RASAL2: variants seen among roughly 807,000 people sequenced by gnomAD.
RASAL2 encodes RAS protein activator like 2, also known as ras GTPase-activating protein nGAP.
Under a neutral mutation model 128.9 loss-of-function variants are expected in RASAL2, and 58 were observed. That is an observed-to-expected ratio of 0.45 (90% CI 0.36 to 0.56). The LOEUF is 0.56. Among genes scored for constraint, RASAL2 ranks in the 20% least tolerant of loss-of-function variants. The pLI is 0.00. For missense variants in RASAL2, 1,360 were observed against 1,601.6 expected (o/e 0.85, Z 2.57); for synonymous variants, 561 against 580.8 (o/e 0.97, Z 0.49).
intron 3 of RASAL2, among the ~76,000 whole-genome samples, chr1:178,352,479 C>T (rs534631439): frequency 1.1e-4 from 16 of 152,224 alleles, no homozygotes; most frequent in South Asian, 8.3e-4. Flanking sequence ...TCCTGTGGGC[C>T]TTTCAGAGGT....
chr1:178,426,848 C>T (rs188134094), intron 5 of RASAL2, among the ~76,000 whole-genome samples: 2 of 152,174 alleles, frequency 1.3e-5, no homozygotes, highest in Non-Finnish European at 2.9e-5. Context: ...AGCCTTTAAA[C>T]ATTTTTGATC....
chr1:178,440,301 G>A (rs1245951955), intron 6 of RASAL2, among the ~76,000 whole-genome samples: 3 of 151,916 alleles, frequency 2.0e-5, no homozygotes, highest in Non-Finnish European at 4.4e-5. Context: ...TGTTGTAGAA[G>A]TCAAAAGATG....
intron 4 of RASAL2, among the ~76,000 whole-genome samples, chr1:178,415,575 A>G (rs1674698989): frequency 1.3e-5 from 2 of 152,128 alleles, no homozygotes; most frequent in African/African-American, 2.4e-5. Flanking sequence ...GATGTCAATT[A>G]TATCCAGTTG....
intron 4 of RASAL2, among the ~76,000 whole-genome samples, chr1:178,402,443 G>A (rs981018417): frequency 1.3e-5 from 2 of 151,392 alleles, no homozygotes; most frequent in African/African-American, 2.4e-5. Flanking sequence ...TATATAGTAA[G>A]GACCAATTTG....
chr1:178,363,312 G>A (rs760099444), intron 3 of RASAL2, among the ~76,000 whole-genome samples: 3 of 152,032 alleles, frequency 2.0e-5, no homozygotes, highest in Non-Finnish European at 4.4e-5. Flanking sequence ...TATGTCTTTT[G>A]AGAAATGTTT....
intron 1 of RASAL2, among the ~76,000 whole-genome samples, chr1:178,213,217 C>T (rs1366086668): frequency 1.3e-5 from 2 of 151,854 alleles, no homozygotes; most frequent in East Asian, 1.9e-4. Flanking sequence ...CTTTTTCTTT[C>T]GTTTGCTATA....
At chr1:178,259,275 C>T (rs1033719642) in intron 1 of RASAL2, among the ~76,000 whole-genome samples, 5 of 151,112 alleles carry the variant, frequency 3.3e-5, no homozygotes, top group South Asian at 2.1e-4. Flanking sequence ...GGACTACAGG[C>T]GCCCGCCACC....
chr1:178,124,016 C>T (rs1659806456), intron 1 of RASAL2, among the ~76,000 whole-genome samples: 1 of 152,104 alleles, frequency 6.6e-6, no homozygotes, highest in Non-Finnish European at 1.5e-5. Flanking sequence ...ACAGGATTTC[C>T]AAACTTTTTC....
At chr1:178,220,750 G>A (rs1166506212) in intron 1 of RASAL2, among the ~76,000 whole-genome samples, 1 of 152,090 alleles carries the variant, frequency 6.6e-6, no homozygotes, top group East Asian at 1.9e-4. Flanking sequence ...TAGCTTGATG[G>A]CTCATTTCTT....
intron 3 of RASAL2, among the ~76,000 whole-genome samples, chr1:178,326,871 T>C (rs919691740): frequency 6.6e-6 from 1 of 152,152 alleles, no homozygotes; most frequent in Non-Finnish European, 1.5e-5. Flanking sequence ...TATAACCCCC[T>C]TTTTCTCCCA....
At chr1:178,123,063 A>G (rs183457049) in intron 1 of RASAL2, 2 of 152,284 alleles carry the variant, frequency 1.3e-5, no homozygotes, top group East Asian at 3.9e-4. Context: ...CAGATCATCT[A>G]TCTAAAAATC....
At chr1:178,105,887 G>T (rs1005232103) in intron 1 of RASAL2, among the ~76,000 whole-genome samples, 12 of 152,042 alleles carry the variant, frequency 7.9e-5, no homozygotes, top group Non-Finnish European at 1.5e-4. Context: ...TGTTGCCCAG[G>T]CTGGTTTTGA....
At chr1:178,352,255 A>G (rs1291691350) in intron 3 of RASAL2, among the ~76,000 whole-genome samples, 2 of 152,254 alleles carry the variant, frequency 1.3e-5, no homozygotes, top group Non-Finnish European at 2.9e-5. Flanking sequence ...GATATACTAG[A>G]GCAGTGTGAA....
chr1:178,420,274 T>C (rs192927718), intron 4 of RASAL2, among the ~76,000 whole-genome samples: 7 of 152,342 alleles, frequency 4.6e-5, no homozygotes, highest in Admixed American at 3.9e-4. Context: ...CATTAATAAA[T>C]AATAAATTAG....
rs397982072 is a variant in RASAL2, at chr1:178,136,756, C to CAAAAAA, written c.202+42087_202+42092dup. Among the ~76,000 whole-genome samples the CAAAAAA allele has an allele frequency of 4.4e-3, 209 of 47,216 alleles. 10 individuals are homozygous for CAAAAAA. Among genetic ancestry groups the CAAAAAA allele is most frequent in the African/African-American group, 0.019 (187 of 9,808 alleles). 31.0% of individuals were successfully genotyped at this position (47,216 alleles called of 152,430 possible). ...TAGGTGACAAAGTGAGACTCTGTCT[C>CAAAAAA]AAAAAAAAAAAAAAAAAAAAAAAAA... On this transcript the variant is annotated intron_variant, in intron 1 of 17. Transcript: ENST00000367649.
intron 1 of RASAL2, among the ~76,000 whole-genome samples, chr1:178,180,750 C>G (rs1015963755): frequency 6.6e-6 from 1 of 151,092 alleles, no homozygotes; most frequent in Non-Finnish European, 1.5e-5. Flanking sequence ...TTTAATTAGC[C>G]TCTCAGCTAG....
At chr1:178,448,146 G>A (rs770159459) in intron 9 of RASAL2, among the ~76,000 whole-genome samples, 16 of 152,046 alleles carry the variant, frequency 1.1e-4, no homozygotes, top group Non-Finnish European at 2.2e-4. Context: ...TGGGTTTATG[G>A]TATAGAATGA....
intron 3 of RASAL2, among the ~76,000 whole-genome samples, chr1:178,331,745 C>G (rs1669326725): frequency 6.6e-6 from 1 of 151,890 alleles, no homozygotes; most frequent in Admixed American, 6.6e-5. Context: ...CACCACCACG[C>G]CTGGCTAATT....
chr1:178,142,323 G>T (rs1038030793), intron 1 of RASAL2, among the ~76,000 whole-genome samples: 2 of 152,076 alleles, frequency 1.3e-5, no homozygotes, highest in Admixed American at 6.6e-5. Context: ...TTAGAGGGAA[G>T]GGACTTGACT....
Sources: allele counts gnomAD v4.1 joint callset (sites outside exome capture counted in the v4.1 genomes callset), GRCh38; gene constraint gnomAD v4.1.1; transcripts MANE v1.5; gene names NCBI Gene and HGNC (gene_info 2026-07-23, HGNC 2026-07-21).